NALF1: variants seen among roughly 807,000 people sequenced by gnomAD.
NALF1 encodes NALCN channel auxiliary factor 1, also known as family with sequence similarity 155 member A.
NALF1 carries 3 observed loss-of-function variants against 48.4 expected under a neutral mutation model. The ratio of observed to expected loss-of-function variants is 0.06; its 90% CI spans 0.03 to 0.16. The LOEUF (loss-of-function observed/expected upper bound fraction) is 0.16, where lower values mean the gene tolerates loss of function less well. NALF1 is among the 10% of genes least tolerant of loss of function. The probability of loss-of-function intolerance (pLI) is 1.00; values close to 1 mark genes in which losing one functional copy is unlikely to be tolerated. For missense variants in NALF1, 526 were observed against 571.5 expected, an observed-to-expected ratio of 0.92 and a Z score of 0.81; for synonymous variants, 262 against 245.7, an observed-to-expected ratio of 1.07 and a Z score of -0.62.
intron 1 of NALF1, among the ~76,000 whole-genome samples, chr13:107,428,321 G>A (rs1045531696): frequency 6.6e-6 from 1 of 152,198 alleles, no homozygotes; most frequent in African/African-American, 2.4e-5. Flanking sequence ...CACTGCTGCT[G>A]TAAACAACTT....
At chr13:107,724,598 G>A (rs1453107213) in intron 1 of NALF1, among the ~76,000 whole-genome samples, 15 of 125,450 alleles carry the variant, frequency 1.2e-4, no homozygotes. Context: ...GTCTCACTCT[G>A]TAGTCCAGGC....
chr13:107,680,105 G>A (rs1391604356), intron 1 of NALF1, among the ~76,000 whole-genome samples: 3 of 151,922 alleles, frequency 2.0e-5, no homozygotes, highest in African/African-American at 7.3e-5. Context: ...GTGCCCAGGT[G>A]CCCAGCTGCA....
chr13:107,670,351 T>G (rs539424432), intron 1 of NALF1, among the ~76,000 whole-genome samples: 1 of 152,076 alleles, frequency 6.6e-6, no homozygotes, highest in African/African-American at 2.4e-5. Context: ...GGAAGGGTCG[T>G]AGTATCTCAC....
At position 107,425,141 on chromosome 13, in the gene NALF1, G is replaced by C. The variant is rs79326731; in HGVS notation, c.916-214386C>G. On this transcript the variant is annotated intron_variant, in intron 1 of 2. Coordinates refer to ENST00000375915, the MANE Select transcript of NALF1 (RefSeq NM_001080396.3). Reference sequence around the variant, plus strand: ...AGTTGATTTGAACAAAGTCTAAGCTGCTATTAAATTTTGAGAAAAGAATCC... The same window carrying C: ...AGTTGATTTGAACAAAGTCTAAGCTCCTATTAAATTTTGAGAAAAGAATCC... 4.0e-3 allele frequency among the ~76,000 whole-genome samples: 615 copies of C among 152,294 alleles called. 7 individuals carry two copies. The highest frequency in any genetic ancestry group is 5.8e-3 in the Non-Finnish European group (396 of 68,024).
rs2138992465 is a variant in NALF1, at chr13:107,402,300, C to CT, written c.916-191546dup. ...CAAACAACTGAAGATCTTAGTCCAA[C>CT]TACCCAGAAGAACCAAAATCCTGCT... On this transcript the variant is annotated intron_variant, in intron 1 of 2. Coordinates refer to ENST00000375915, the MANE Select transcript of NALF1 (RefSeq NM_001080396.3). Among the ~76,000 whole-genome samples the CT allele has an allele frequency of 1.3e-5, 2 of 152,284 alleles. 1 individual carries two copies. Among genetic ancestry groups the CT allele is most frequent in the Middle Eastern group, 6.8e-3 (2 of 294 alleles).
At chr13:107,718,191 T>C (rs1489136526) in intron 1 of NALF1, among the ~76,000 whole-genome samples, 2 of 152,228 alleles carry the variant, frequency 1.3e-5, no homozygotes, top group Admixed American at 6.5e-5. Context: ...CCACTCTAGA[T>C]TTCTGACCTT....
intron 1 of NALF1, among the ~76,000 whole-genome samples, chr13:107,610,566 T>C (rs1371467697): frequency 6.6e-6 from 1 of 152,226 alleles, no homozygotes; most frequent in Non-Finnish European, 1.5e-5. Context: ...TTGAAAATTG[T>C]ACTAGGACGA....
chr13:107,447,643 G>T (rs1295895189), intron 1 of NALF1, among the ~76,000 whole-genome samples: 5 of 152,052 alleles, frequency 3.3e-5, no homozygotes, highest in African/African-American at 1.2e-4. Context: ...GAGGAAGCAG[G>T]CACAGAAAGT....
intron 1 of NALF1, among the ~76,000 whole-genome samples, chr13:107,718,874 C>G (rs868803660): frequency 6.6e-6 from 1 of 152,170 alleles, no homozygotes; most frequent in Non-Finnish European, 1.5e-5. Flanking sequence ...ACCTAATAGC[C>G]ACATGTGGCC....
intron 1 of NALF1, among the ~76,000 whole-genome samples, chr13:107,421,769 C>A (rs1884193117): frequency 1.3e-5 from 2 of 152,150 alleles, no homozygotes; most frequent in African/African-American, 4.8e-5. Flanking sequence ...TCACAGAAAG[C>A]TTGCCTTGTC....
At chr13:107,564,234 A>T (rs930820477) in intron 1 of NALF1, among the ~76,000 whole-genome samples, 11 of 152,194 alleles carry the variant, frequency 7.2e-5, no homozygotes, top group African/African-American at 2.7e-4. Flanking sequence ...AATTTCAAGG[A>T]CTTTGTAGCT....
At chr13:107,687,118 C>T (rs984915209) in intron 1 of NALF1, among the ~76,000 whole-genome samples, 5 of 152,058 alleles carry the variant, frequency 3.3e-5, no homozygotes, top group African/African-American at 1.2e-4. Flanking sequence ...TACTATGTAG[C>T]CATAAAAAAT....
At chr13:107,401,978 T>G (rs1883816794) in intron 1 of NALF1, among the ~76,000 whole-genome samples, 1 of 152,180 alleles carries the variant, frequency 6.6e-6, no homozygotes, top group Non-Finnish European at 1.5e-5. Flanking sequence ...CCAAATCAGT[T>G]GAGGGCAGAC....
At chr13:107,311,622 C>T (rs1423146924) in intron 1 of NALF1, among the ~76,000 whole-genome samples, 2 of 151,494 alleles carry the variant, frequency 1.3e-5, no homozygotes, top group East Asian at 1.9e-4. Flanking sequence ...TTCCCAAAAA[C>T]TATTCAGTAA....
chr13:107,525,683 T>G, intron 1 of NALF1, among the ~76,000 whole-genome samples: 1 of 151,868 alleles, frequency 6.6e-6, no homozygotes, highest in Non-Finnish European at 1.5e-5. Flanking sequence ...TTATAAGAAA[T>G]TGACAATCTG....
At chr13:107,677,082 C>G (rs928341781) in intron 1 of NALF1, among the ~76,000 whole-genome samples, 1 of 152,138 alleles carries the variant, frequency 6.6e-6, no homozygotes, top group Non-Finnish European at 1.5e-5. Context: ...AGTCTCGCTC[C>G]TTCGCCCAGG....
chr13:107,474,712 G>A (rs959436135), intron 1 of NALF1, among the ~76,000 whole-genome samples: 1 of 152,186 alleles, frequency 6.6e-6, no homozygotes, highest in Admixed American at 6.5e-5. Flanking sequence ...TAATAGTTAT[G>A]GGAGGCACTA....
chr13:107,170,593 T>C lies in NALF1; in HGVS notation c.1281A>G (p.Leu427=), dbSNP rs1357405146. The change falls in exon 3 of 3, where the codon TTA becomes TTG. Residue 427 remains leucine, a synonymous_variant. Coordinates refer to ENST00000375915, the MANE Select transcript of NALF1 (RefSeq NM_001080396.3). ...CTGCCGAGGCTGTGAGCACTGTGTGTAAGAGAATCAGTACAAGAACACACA... is the reference window on the plus strand; with the variant it reads ...CTGCCGAGGCTGTGAGCACTGTGTGCAAGAGAATCAGTACAAGAACACACA... ...LKLCVLVLIL[L]HTVLTASAAQ... is the part of the protein sequence containing the mutation. The C allele has an allele frequency of 6.2e-7, 1 of 1,614,218 alleles. No homozygotes were observed. Among genetic ancestry groups the C allele is most frequent in the Non-Finnish European group, 8.5e-7 (1 of 1,180,040 alleles).
intron 1 of NALF1, among the ~76,000 whole-genome samples, chr13:107,618,489 G>C (rs1282566252): frequency 6.6e-6 from 1 of 152,148 alleles, no homozygotes; most frequent in Non-Finnish European, 1.5e-5. Flanking sequence ...AAGATGATTT[G>C]GCCATTGTGC....
Sources: allele counts gnomAD v4.1 joint callset (sites outside exome capture counted in the v4.1 genomes callset), GRCh38; gene constraint gnomAD v4.1.1; transcripts MANE v1.5; gene names NCBI Gene and HGNC (gene_info 2026-07-23, HGNC 2026-07-21).